The following TMEM232 variants were observed in gnomAD, a reference collection of about 807,000 sequenced individuals.
TMEM232 encodes the protein transmembrane protein 232.
TMEM232 carries 80 observed loss-of-function variants against 78.8 expected under a neutral mutation model. That is an observed-to-expected ratio of 1.01 (90% CI 0.85 to 1.22). The LOEUF (loss-of-function observed/expected upper bound fraction) is 1.22. TMEM232 is among the 50% of genes most tolerant of loss of function. TMEM232 has a pLI of 0.00. For missense variants in TMEM232, 881 were observed against 742.2 expected, an observed-to-expected ratio of 1.19 and a Z score of -2.17; for synonymous variants, 297 against 254.3, an observed-to-expected ratio of 1.17 and a Z score of -1.60.
chr5:110,620,555 T>C (rs996265612), intron 7 of TMEM232, among the ~76,000 whole-genome samples: 2 of 145,396 alleles, frequency 1.4e-5, no homozygotes, highest in Non-Finnish European at 3.0e-5. Flanking sequence ...CATCCCATAG[T>C]TCCTTGTGGT....
intron 11 of TMEM232, among the ~76,000 whole-genome samples, chr5:110,563,236 G>A (rs1035876926): frequency 1.3e-5 from 2 of 151,850 alleles, no homozygotes; most frequent in Non-Finnish European, 2.9e-5. Flanking sequence ...AAGTAATGAG[G>A]TCTTTGCTTG....
intron 12 of TMEM232, among the ~76,000 whole-genome samples, chr5:110,507,684 G>A (rs1370731148): frequency 6.6e-6 from 1 of 152,188 alleles, no homozygotes; most frequent in African/African-American, 2.4e-5. Context: ...CGAGTGCCAA[G>A]TAGATTTGCC....
intron 12 of TMEM232, among the ~76,000 whole-genome samples, chr5:110,431,808 GA>G (rs1446517256): frequency 5.9e-5 from 9 of 151,700 alleles, no homozygotes; most frequent in Admixed American, 6.6e-5. Flanking sequence ...TGAATTGGAA[GA>G]TAGGGAAACA....
intron 10 of TMEM232, among the ~76,000 whole-genome samples, chr5:110,581,221 C>T (rs970878792): frequency 6.6e-6 from 1 of 151,740 alleles, no homozygotes; most frequent in Non-Finnish European, 1.5e-5. Flanking sequence ...CAATCCTAAG[C>T]AAAGAGAACA....
intron 2 of TMEM232, among the ~76,000 whole-genome samples, chr5:110,652,291 C>T (rs566954007): frequency 8.0e-4 from 107 of 133,192 alleles, no homozygotes; most frequent in Admixed American, 2.3e-3. Context: ...AGTGCACGCG[C>T]GCGCACACAC....
At chr5:110,595,463 G>A (rs1335786764) in intron 10 of TMEM232, among the ~76,000 whole-genome samples, 2 of 152,126 alleles carry the variant, frequency 1.3e-5, no homozygotes, top group Non-Finnish European at 2.9e-5. Flanking sequence ...AAGGTGGGTA[G>A]TAACAAACTC....
At chr5:110,509,902 TATATC>T (rs1767515683) in intron 12 of TMEM232, among the ~76,000 whole-genome samples, 1 of 152,328 alleles carries the variant, frequency 6.6e-6, no homozygotes, top group East Asian at 1.9e-4. Context: ...AAAGCATTAC[TATATC>T]ATATTTTAAG....
intron 5 of TMEM232, 83 bp downstream of exon 5, chr5:110,638,115 G>A: frequency 1.3e-5 from 14 of 1,104,010 alleles, no homozygotes; most frequent in Non-Finnish European, 1.8e-5. Flanking sequence ...TAAATGTTCT[G>A]TTTTGATCCT....
At chr5:110,476,429 C>A (rs998095743) in intron 12 of TMEM232, among the ~76,000 whole-genome samples, 4 of 151,914 alleles carry the variant, frequency 2.6e-5, no homozygotes, top group Non-Finnish European at 5.9e-5. Context: ...AACCTGCCAA[C>A]CCCTTTATCT....
chr5:110,463,506 ACATAT>A (rs1418166793), intron 12 of TMEM232, among the ~76,000 whole-genome samples: 2 of 152,232 alleles, frequency 1.3e-5, no homozygotes, highest in African/African-American at 4.8e-5. Context: ...ATGCTTATAT[ACATAT>A]CATATTTAGA....
chr5:110,554,436 C>A (rs1036471948), intron 11 of TMEM232, among the ~76,000 whole-genome samples: 9 of 152,114 alleles, frequency 5.9e-5, no homozygotes, highest in Non-Finnish European at 1.5e-5. Flanking sequence ...TGAGTTAATA[C>A]TTAATAAACT....
At chr5:110,544,441 C>CA (rs575755362) in intron 11 of TMEM232, among the ~76,000 whole-genome samples, 6,230 of 75,294 alleles carry the variant, frequency 0.083, 342 homozygotes, top group African/African-American at 0.14. Context: ...ACACACATAT[C>CA]AAAAAAAAAA....
chr5:110,420,239 CTGTT>C lies in TMEM232; in HGVS notation c.*337_*340del, dbSNP rs536834012. The C allele has an allele frequency of 5.2e-4, 87 of 166,228 alleles. No individual in the cohort carries two copies. The highest frequency in any genetic ancestry group is 2.9e-3 in the East Asian group (17 of 5,894). The allele number at this position is 166,228 out of a possible 1,614,324, so 10.3% of individuals were successfully genotyped here. On this transcript the variant is annotated 3_prime_UTR_variant, in exon 14 of 14. Coordinates refer to ENST00000455884, the MANE Select transcript of TMEM232 (RefSeq NM_001039763.4). ...TAATTTGTAATGAATTTCCATCAAA[CTGTT>C]TGTTTGATGAATATCAATGTTCTGA...
chr5:110,548,620 G>C (rs953627770), intron 11 of TMEM232, among the ~76,000 whole-genome samples: 8 of 151,592 alleles, frequency 5.3e-5, no homozygotes, highest in African/African-American at 1.9e-4. Context: ...CAAGAAACAG[G>C]TGTCATCTAT....
At chr5:110,555,262 A>C (rs1774938910) in intron 11 of TMEM232, among the ~76,000 whole-genome samples, 1 of 152,050 alleles carries the variant, frequency 6.6e-6, no homozygotes. Context: ...CTTTAATTTC[A>C]TTGTTCACCC....
chr5:110,553,718 T>C (rs1023653839), intron 11 of TMEM232, among the ~76,000 whole-genome samples: 2 of 152,198 alleles, frequency 1.3e-5, no homozygotes, highest in African/African-American at 4.8e-5. Context: ...ATTTCATGTC[T>C]TGCCTGATTG....
At chr5:110,489,517 A>T (rs576022189) in intron 12 of TMEM232, among the ~76,000 whole-genome samples, 12 of 152,230 alleles carry the variant, frequency 7.9e-5, no homozygotes, top group South Asian at 2.1e-4. Flanking sequence ...CAACCTGATA[A>T]ACAGTATATG....
chr5:110,516,148 A>G (rs1350280795), intron 12 of TMEM232, among the ~76,000 whole-genome samples: 1 of 152,100 alleles, frequency 6.6e-6, no homozygotes, highest in Non-Finnish European at 1.5e-5. Flanking sequence ...CTGACGCAGG[A>G]GAACGGCGTG....
chr5:110,630,007 C>T (rs1240503340), intron 5 of TMEM232, among the ~76,000 whole-genome samples: 2 of 152,106 alleles, frequency 1.3e-5, no homozygotes, highest in African/African-American at 2.4e-5. Context: ...GCGGGTGATG[C>T]ATCTTTGATA....
Sources: allele counts gnomAD v4.1 joint callset (sites outside exome capture counted in the v4.1 genomes callset), GRCh38; gene constraint gnomAD v4.1.1; transcripts MANE v1.5; gene names NCBI Gene and HGNC (gene_info 2026-07-23, HGNC 2026-07-21).